KRT86: variants seen among roughly 807,000 people sequenced by gnomAD.
KRT86 encodes keratin 86, also known as keratin, type II cuticular Hb6.
A neutral mutation model predicts 41.2 loss-of-function variants in KRT86; 30 were observed. That is an observed-to-expected ratio of 0.73 (90% CI 0.54 to 0.99). The LOEUF (loss-of-function observed/expected upper bound fraction) is 0.99. Among genes scored for constraint, KRT86 ranks in the 50% least tolerant of loss-of-function variants. The pLI, the probability that KRT86 is intolerant of heterozygous loss-of-function variation, is 0.00. For missense variants in KRT86, 561 were observed against 571.4 expected (o/e 0.98, Z 0.19); for synonymous variants, 238 against 238.1 (o/e 1.00, Z 0.00).
At chr12:52,293,297 C>A (rs1016732579) in intron 2 of KRT86, among the ~76,000 whole-genome samples, 5 of 152,184 alleles carry the variant, frequency 3.3e-5, no homozygotes, top group Non-Finnish European at 7.3e-5. Context: ...CCATTATCCC[C>A]ATTTTACTGA....
intron 2 of KRT86, among the ~76,000 whole-genome samples, chr12:52,280,259 T>C (rs970705286): frequency 1.3e-5 from 2 of 152,054 alleles, no homozygotes; most frequent in Non-Finnish European, 2.9e-5. Flanking sequence ...AGGGTGTAAG[T>C]TGGTCCGAGT....
At chr12:52,293,130 A>G (rs1938172291) in intron 2 of KRT86, among the ~76,000 whole-genome samples, 1 of 152,230 alleles carries the variant, frequency 6.6e-6, no homozygotes, top group African/African-American at 2.4e-5. Flanking sequence ...ATTAGGAAAA[A>G]CTGTATAGAG....
chr12:52,302,381 C>G, intron 3 of KRT86, 96 bp downstream of exon 3: 1 of 433,060 alleles, frequency 2.3e-6, no homozygotes, highest in South Asian at 2.2e-5. Flanking sequence ...AGACCTCTGC[C>G]TGCCTGAGAT....
Position 52,288,712 on chromosome 12 carries a change from C to T in KRT86, c.-5+12766C>T, listed in dbSNP as rs117072869. Among the ~76,000 whole-genome samples, 330 of 152,202 alleles carry T rather than the reference C, an allele frequency of 2.2e-3. 2 individuals are homozygous for T. The highest frequency in any genetic ancestry group is 4.1e-3 in the Non-Finnish European group (278 of 68,012). The stretch of plus-strand genomic sequence containing the variant: ...CTCCTGTCTCTCCCTTCTCTCATCT[C>T]CTGCTCCAGGAAGCCTGCCCAGACT... On this transcript the variant is annotated intron_variant, in intron 2 of 10. Transcript: ENST00000423955.
intron 8 of KRT86, 55 bp from the exon 9 acceptor site, chr12:52,306,005 A>T (rs2121313739): frequency 6.2e-7 from 1 of 1,605,998 alleles, no homozygotes; most frequent in East Asian, 2.2e-5. Flanking sequence ...CATCGAGGTA[A>T]GCATCAGAGA....
At chr12:52,301,356 A>G (rs1315585739) in intron 2 of KRT86, among the ~76,000 whole-genome samples, 1 of 152,100 alleles carries the variant, frequency 6.6e-6, no homozygotes, top group Non-Finnish European at 1.5e-5. Context: ...GAGATTCTGT[A>G]AACGTGGGTC....
At chr12:52,275,754 G>T in intron 1 of KRT86, 67 bp from the exon 2 acceptor site, 1 of 758,106 alleles carries the variant, frequency 1.3e-6, no homozygotes, top group Non-Finnish European at 1.6e-6. Context: ...GACAGCAGGT[G>T]GATGGGCAGC....
chr12:52,287,176 C>T, intron 2 of KRT86: 1 of 1,613,798 alleles, frequency 6.2e-7, no homozygotes. Flanking sequence ...AGTTCATCAC[C>T]TCCTGGTACT....
chr12:52,276,940 G>T (rs1284711358), intron 2 of KRT86, among the ~76,000 whole-genome samples: 1 of 152,128 alleles, frequency 6.6e-6, no homozygotes, highest in African/African-American at 2.4e-5. Context: ...GATCTCCCTT[G>T]TACAGGAATG....
Position 52,278,209 on chromosome 12 carries a change from A to T in KRT86, c.-5+2263A>T, listed in dbSNP as rs568627423. ...GGAACTGATCACCCATGCCACAGGCATATTGCATTGATCACCTCCTTTAAC... is the reference window on the plus strand; with the variant it reads ...GGAACTGATCACCCATGCCACAGGCTTATTGCATTGATCACCTCCTTTAAC... On this transcript the variant is annotated intron_variant, in intron 2 of 10. Transcript: ENST00000423955. Among the ~76,000 whole-genome samples, 7 of 152,294 alleles carry T rather than the reference A, an allele frequency of 4.6e-5. 2 individuals carry two copies. Among genetic ancestry groups the T allele is most frequent in the African/African-American group, 1.7e-4 (7 of 41,534 alleles).
intron 2 of KRT86, chr12:52,285,926 T>C: frequency 2.5e-6 from 1 of 397,044 alleles, no homozygotes; most frequent in Non-Finnish European, 4.7e-6. Flanking sequence ...GCTACATTAA[T>C]TTATTGAAAC....
chr12:52,280,389 C>T (rs1157675182), intron 2 of KRT86, among the ~76,000 whole-genome samples: 3 of 152,230 alleles, frequency 2.0e-5, no homozygotes, highest in Non-Finnish European at 2.9e-5. Flanking sequence ...ACAGTGAGCC[C>T]ACATTCCTTT....
intron 2 of KRT86, chr12:52,291,567 G>A: frequency 6.6e-7 from 1 of 1,523,404 alleles, no homozygotes; most frequent in Non-Finnish European, 8.9e-7. Flanking sequence ...CTATTTATGC[G>A]CAGATTCTGA....
intron 2 of KRT86, among the ~76,000 whole-genome samples, chr12:52,295,097 T>C (rs1938218932): frequency 6.6e-6 from 1 of 152,230 alleles, no homozygotes; most frequent in South Asian, 2.1e-4. Context: ...GGTGCATTTA[T>C]GCAAGAGTTT....
At chr12:52,286,458 C>T in intron 2 of KRT86, 1 of 1,552,732 alleles carries the variant, frequency 6.4e-7, no homozygotes, top group Non-Finnish European at 8.7e-7. Flanking sequence ...ACGCAGAGGT[C>T]CCCGCACACG....
chr12:52,287,922 A>G (rs1442736592), intron 2 of KRT86: 6 of 1,613,518 alleles, frequency 3.7e-6, no homozygotes, highest in Non-Finnish European at 5.1e-6. Context: ...AAGCCTATTT[A>G]ATAGATATCT....
chr12:52,301,014 A>G (rs755286581), intron 2 of KRT86, among the ~76,000 whole-genome samples: 5 of 152,156 alleles, frequency 3.3e-5, no homozygotes, highest in African/African-American at 2.4e-5. Flanking sequence ...GAGGCTGGCC[A>G]ATATGACCTA....
intron 1 of KRT86, chr12:52,275,092 T>A (rs780999216): frequency 1.3e-5 from 2 of 152,158 alleles, no homozygotes; most frequent in African/African-American, 4.8e-5. Flanking sequence ...GGAAAGACAA[T>A]GGGAAAAGTC....
chr12:52,284,774 T>C (rs944333176), intron 2 of KRT86, among the ~76,000 whole-genome samples: 4 of 152,182 alleles, frequency 2.6e-5, no homozygotes, highest in Non-Finnish European at 5.9e-5. Context: ...AGTTTAGAGA[T>C]TCACTCCGGC....
Sources: allele counts gnomAD v4.1 joint callset (sites outside exome capture counted in the v4.1 genomes callset), GRCh38; gene constraint gnomAD v4.1.1; transcripts MANE v1.5; gene names NCBI Gene and HGNC (gene_info 2026-07-23, HGNC 2026-07-21).